The following SPAG11A variants were observed in gnomAD, a reference collection of about 807,000 sequenced individuals.
SPAG11A encodes the protein sperm associated antigen 11A, also known as sperm-associated antigen 11A.
SPAG11A carries 2 observed loss-of-function variants against 5.5 expected under a neutral mutation model. That is an observed-to-expected ratio of 0.37 (90% CI 0.15 to 1.15). SPAG11A has a LOEUF of 1.15. SPAG11A is among the 50% of genes most tolerant of loss of function. SPAG11A has a pLI of 0.38. For missense variants in SPAG11A, 24 were observed against 122.5 expected (o/e 0.20, Z 3.80); for synonymous variants, 11 against 42.7 (o/e 0.26, Z 2.90).
intron 2 of SPAG11A, among the ~76,000 whole-genome samples, chr8:7,852,204 T>C (rs1254625303): frequency 2.0e-5 from 3 of 151,386 alleles, no homozygotes; most frequent in African/African-American, 7.3e-5. Flanking sequence ...CAGATATCAG[T>C]CTGGCACACC....
At chr8:7,852,327 T>G (rs1817952605) in intron 2 of SPAG11A, among the ~76,000 whole-genome samples, 1 of 152,290 alleles carries the variant, frequency 6.6e-6, no homozygotes, top group South Asian at 2.1e-4. Flanking sequence ...TTTCTTTTTT[T>G]TTTGAGACAG....
At chr8:7,861,085 C>T (rs1426316656), downstream of SPAG11A, 2 of 295,042 alleles carry the variant, frequency 6.8e-6, no homozygotes, top group African/African-American at 4.7e-5. Flanking sequence ...GAGATGGGAA[C>T]TGACTAGAAA....
At chr8:7,860,972 T>A, downstream of SPAG11A, 2 of 791,872 alleles carry the variant, frequency 2.5e-6, no homozygotes, top group Non-Finnish European at 3.5e-6. Flanking sequence ...GACATTTTTT[T>A]AACTTCCTTA....
intron 2 of SPAG11A, among the ~76,000 whole-genome samples, chr8:7,852,568 G>T (rs1312537636): frequency 2.0e-5 from 3 of 148,406 alleles, no homozygotes; most frequent in Non-Finnish European, 3.0e-5. Context: ...CCCGACCTCA[G>T]GTGATCTGTC....
chr8:7,860,890 T>A, exon 3 of SPAG11A: 1 of 1,120,900 alleles, frequency 8.9e-7, no homozygotes, highest in South Asian at 1.9e-5. Flanking sequence ...TAAAGGAATG[T>A]GTGGCTTATA....
At chr8:7,860,860 G>A (rs1818193247) in exon 3 of SPAG11A, 2 of 1,265,390 alleles carry the variant, frequency 1.6e-6, no homozygotes, top group Non-Finnish European at 2.1e-6. Flanking sequence ...AGGCAGGGAT[G>A]TTGAAGTATC....
At chr8:7,860,178 G>A (rs1205247159) in intron 2 of SPAG11A, among the ~76,000 whole-genome samples, 1 of 148,808 alleles carries the variant, frequency 6.7e-6, no homozygotes, top group African/African-American at 2.5e-5. Flanking sequence ...AAGCCCACAG[G>A]TCCTGGTGAG....
intron 2 of SPAG11A, among the ~76,000 whole-genome samples, chr8:7,852,011 G>A (rs1225954877): frequency 8.2e-6 from 1 of 121,556 alleles, no homozygotes; most frequent in Admixed American, 8.8e-5. Flanking sequence ...GGGATTGTGC[G>A]GGGAGTGTGT....
chr8:7,852,582 C>G (rs2740713), intron 2 of SPAG11A, among the ~76,000 whole-genome samples: 1,736 of 134,934 alleles, frequency 0.013, 3 homozygotes, highest in East Asian at 0.035. Flanking sequence ...ATCTGTCCGC[C>G]TCGGCCTCCC....
chr8:7,863,601 T>G, downstream of SPAG11A: 1 of 1,602,150 alleles, frequency 6.2e-7, no homozygotes, highest in Non-Finnish European at 8.5e-7. Flanking sequence ...GTGGCCCAGG[T>G]GGATCGGCTT....
chr8:7,852,399 C>T (rs1279672315), intron 2 of SPAG11A, among the ~76,000 whole-genome samples: 2 of 152,222 alleles, frequency 1.3e-5, no homozygotes, highest in Non-Finnish European at 2.9e-5. Context: ...CCACCACCTC[C>T]ACCTCCCGGG....
intron 2 of SPAG11A, among the ~76,000 whole-genome samples, chr8:7,858,484 C>T (rs1442218564): frequency 1.1e-5 from 1 of 92,578 alleles, no homozygotes; most frequent in Non-Finnish European, 2.7e-5. Context: ...GAGAGAAGAG[C>T]ATGTCCTCTT....
At chr8:7,857,068 T>G (rs2128927993) in intron 2 of SPAG11A, among the ~76,000 whole-genome samples, 2 of 130,014 alleles carry the variant, frequency 1.5e-5, no homozygotes, top group East Asian at 2.5e-4. Flanking sequence ...ATACAGAAAT[T>G]TTCTAAACTA....
At chr8:7,861,508 CAT>C (rs1818214062), downstream of SPAG11A, among the ~76,000 whole-genome samples, 1 of 145,818 alleles carries the variant, frequency 6.9e-6, no homozygotes, top group Admixed American at 6.9e-5. Flanking sequence ...TTCTAAAAAA[CAT>C]ATTTCTGTGC....
At chr8:7,861,837 C>T (rs1284223110), downstream of SPAG11A, among the ~76,000 whole-genome samples, 1 of 130,564 alleles carries the variant, frequency 7.7e-6, no homozygotes, top group Admixed American at 7.9e-5. Flanking sequence ...TTTGGGGCTA[C>T]AGTCTCAATT....
At chr8:7,852,462 T>C (rs184357743) in intron 2 of SPAG11A, among the ~76,000 whole-genome samples, 64 of 152,234 alleles carry the variant, frequency 4.2e-4, no homozygotes, top group Non-Finnish European at 2.9e-5. Context: ...CCTTCCTAAG[T>C]AGCTGGGATT....
chr8:7,858,733 G>A (rs1465789659), intron 2 of SPAG11A, among the ~76,000 whole-genome samples: 1 of 27,536 alleles, frequency 3.6e-5, no homozygotes, highest in African/African-American at 7.2e-5. Flanking sequence ...GCAAGGAAAT[G>A]TGCTACAATG....
chr8:7,863,750 T>A (rs1286012018), downstream of SPAG11A: 1 of 658,262 alleles, frequency 1.5e-6, no homozygotes, highest in East Asian at 2.8e-5. Flanking sequence ...GACCGGAGTA[T>A]GATCCTCAGT....
At chr8:7,852,318 T>C (rs1224998384) in intron 2 of SPAG11A, among the ~76,000 whole-genome samples, 14 of 152,332 alleles carry the variant, frequency 9.2e-5, no homozygotes, top group African/African-American at 3.4e-4. Flanking sequence ...ATTCTCTTTT[T>C]TCTTTTTTTT....
Sources: allele counts gnomAD v4.1 joint callset (sites outside exome capture counted in the v4.1 genomes callset), GRCh38; gene constraint gnomAD v4.1.1; transcripts MANE v1.5; gene names NCBI Gene and HGNC (gene_info 2026-07-23, HGNC 2026-07-21).